TMEM132B: variants seen among roughly 807,000 people sequenced by gnomAD.
TMEM132B encodes transmembrane protein 132B.
Under a neutral mutation model 90.8 loss-of-function variants are expected in TMEM132B, and 18 were observed. That is an observed-to-expected ratio of 0.20 (90% CI 0.14 to 0.29). The LOEUF is 0.29. Ranked by LOEUF, TMEM132B falls within the 10% of genes least tolerant of loss-of-function variation. The probability of loss-of-function intolerance (pLI) is 1.00; values close to 1 mark genes in which losing one functional copy is unlikely to be tolerated. For missense variants in TMEM132B, 1,096 were observed against 1,326.8 expected, an observed-to-expected ratio of 0.83 and a Z score of 2.70; for synonymous variants, 504 against 523.3, an observed-to-expected ratio of 0.96 and a Z score of 0.50.
chr12:125,454,073 G>A lies in TMEM132B; in HGVS notation c.1106+38396G>A, dbSNP rs146721748. Among the ~76,000 whole-genome samples the A allele has an allele frequency of 2.7e-4, 41 of 152,188 alleles. No homozygotes were observed. In the East Asian group the frequency reaches 6.4e-3, roughly 24 times the overall value. ...TGAATGGAGCTTTCAAGTAGGGCCC[G>A]TTTTAACAGAGATTTCTGGGCTCTG... On this transcript the variant is annotated intron_variant, in intron 3 of 8. Coordinates refer to ENST00000682704, the MANE Select transcript of TMEM132B (RefSeq NM_001366854.1).
At chr12:125,434,608 C>A (rs1880645119) in intron 3 of TMEM132B, among the ~76,000 whole-genome samples, 1 of 152,160 alleles carries the variant, frequency 6.6e-6, no homozygotes, top group Non-Finnish European at 1.5e-5. Flanking sequence ...GATTCCAGCC[C>A]CTACAGGAGG....
intron 3 of TMEM132B, among the ~76,000 whole-genome samples, chr12:125,455,186 T>A (rs967064040): frequency 1.3e-5 from 2 of 148,956 alleles, no homozygotes; most frequent in Admixed American, 6.7e-5. Flanking sequence ...GTGGAGGAAA[T>A]GAAAGGTGGA....
chr12:125,189,556 C>T (rs1164642638), intron 1 of TMEM132B, among the ~76,000 whole-genome samples: 1 of 152,108 alleles, frequency 6.6e-6, no homozygotes. Flanking sequence ...TGGCGCTGCC[C>T]TTCAGAGAGG....
intron 1 of TMEM132B, among the ~76,000 whole-genome samples, chr12:125,205,361 G>A (rs368585813): frequency 6.6e-6 from 1 of 152,074 alleles, no homozygotes; most frequent in East Asian, 1.9e-4. Context: ...TTCAATGAGA[G>A]CTCCGTGTGT....
intron 1 of TMEM132B, among the ~76,000 whole-genome samples, chr12:125,189,476 C>T (rs775989170): frequency 1.5e-4 from 23 of 152,144 alleles, no homozygotes; most frequent in Non-Finnish European, 3.2e-4. Context: ...TCTCTTCCTC[C>T]TGCCTGGCAC....
In TMEM132B at chr12:125,575,078, A is replaced by ATATATATATATATATATATT. The variant is rs1311570495; in HGVS notation, c.1294-8768_1294-8767insATATATATATATATTTATAT. 4.8e-4 allele frequency among the ~76,000 whole-genome samples: 52 copies of ATATATATATATATATATATT among 108,976 alleles called. 1 individual carries two copies. Among genetic ancestry groups the ATATATATATATATATATATT allele is most frequent in the African/African-American group, 1.7e-3 (51 of 29,758 alleles). The allele number at this position is 108,976 out of a possible 152,430, so 71.5% of individuals were successfully genotyped here. On this transcript the variant is annotated intron_variant, in intron 4 of 8. Coordinates refer to ENST00000682704, the MANE Select transcript of TMEM132B (RefSeq NM_001366854.1). ...CTGTCATATATATATATATATATAT[A>ATATATATATATATATATATT]TATATTCAGGAGTAGAATTGCTAGG...
rs1004312993 is a variant in TMEM132B, at chr12:125,611,344, T to TA, written c.1437+27358dup. On this transcript the variant is annotated intron_variant, in intron 5 of 8. Coordinates refer to ENST00000682704, the MANE Select transcript of TMEM132B (RefSeq NM_001366854.1). ...AGGTGTATCAATTTTGTTGATATTT[T>TA]AAAAAAAACAATTTTTGGTTTTGCT... is the stretch of plus-strand genomic sequence containing the variant. Among the ~76,000 whole-genome samples, 154 of 151,874 alleles carry TA rather than the reference T, an allele frequency of 1.0e-3. 1 individual carries two copies. The highest frequency in any genetic ancestry group is 3.5e-3 in the African/African-American group (146 of 41,446).
intron 2 of TMEM132B, among the ~76,000 whole-genome samples, chr12:125,371,815 G>A (rs916868151): frequency 2.6e-5 from 4 of 152,114 alleles, no homozygotes; most frequent in East Asian, 1.9e-4. Flanking sequence ...TGATCTTTTC[G>A]TCTTCACTAG....
At chr12:125,204,156 A>G (rs1816646718) in intron 1 of TMEM132B, among the ~76,000 whole-genome samples, 1 of 151,924 alleles carries the variant, frequency 6.6e-6, no homozygotes, top group Admixed American at 6.6e-5. Context: ...TATCTCGTGA[A>G]TCCTTTCAAT....
chr12:125,646,296 A>G (rs1435301571), intron 6 of TMEM132B, among the ~76,000 whole-genome samples: 1 of 152,242 alleles, frequency 6.6e-6, no homozygotes, highest in East Asian at 1.9e-4. Context: ...ATGCAAGAGG[A>G]TAGAGAAAAT....
intron 3 of TMEM132B, among the ~76,000 whole-genome samples, chr12:125,433,994 T>C (rs1331273627): frequency 1.3e-5 from 2 of 152,196 alleles, no homozygotes; most frequent in Non-Finnish European, 2.9e-5. Context: ...TCAAAAACTT[T>C]GTGGTTTCAA....
At chr12:125,495,314 C>T (rs1882531995) in intron 3 of TMEM132B, among the ~76,000 whole-genome samples, 1 of 144,210 alleles carries the variant, frequency 6.9e-6, no homozygotes, top group Non-Finnish European at 1.5e-5. Flanking sequence ...CGTCCCTCCT[C>T]CCCCTCCTCC....
At chr12:125,461,447 G>A (rs935400347) in intron 3 of TMEM132B, among the ~76,000 whole-genome samples, 3 of 152,202 alleles carry the variant, frequency 2.0e-5, no homozygotes, top group Non-Finnish European at 4.4e-5. Flanking sequence ...TACTGGCCCC[G>A]GGAGCCCCTG....
chr12:125,484,341 G>T (rs1882144226), intron 3 of TMEM132B, among the ~76,000 whole-genome samples: 1 of 152,110 alleles, frequency 6.6e-6, no homozygotes, highest in South Asian at 2.1e-4. Context: ...GCTTCCTTTA[G>T]TAGTGGCTCC....
At chr12:125,363,202 T>C (rs1420872034) in intron 2 of TMEM132B, among the ~76,000 whole-genome samples, 1 of 152,054 alleles carries the variant, frequency 6.6e-6, no homozygotes, top group Non-Finnish European at 1.5e-5. Context: ...GTAAATAAAG[T>C]TAAAAAATGA....
At chr12:125,242,440 A>G (rs547096217) in intron 1 of TMEM132B, among the ~76,000 whole-genome samples, 12 of 152,318 alleles carry the variant, frequency 7.9e-5, no homozygotes, top group Admixed American at 7.2e-4. Context: ...CCTCGAGGAA[A>G]CTGAGGCCCA....
intron 1 of TMEM132B, among the ~76,000 whole-genome samples, chr12:125,220,022 A>G (rs1873523903): frequency 1.3e-5 from 2 of 152,248 alleles, no homozygotes; most frequent in Non-Finnish European, 2.9e-5. Context: ...TGACAGCCCT[A>G]TGAAGTAGGC....
At chr12:125,320,484 C>T (rs1436101001) in intron 1 of TMEM132B, among the ~76,000 whole-genome samples, 1 of 152,100 alleles carries the variant, frequency 6.6e-6, no homozygotes, top group Non-Finnish European at 1.5e-5. Flanking sequence ...CTTTTATTAG[C>T]GTGTGGAACC....
chr12:125,628,578 T>A (rs1001980676), intron 5 of TMEM132B, among the ~76,000 whole-genome samples: 1 of 152,200 alleles, frequency 6.6e-6, no homozygotes, highest in Admixed American at 6.5e-5. Context: ...CTGCAAGTAT[T>A]TCTATCCCGT....
Sources: gnomAD v4.1 joint callset for allele counts (sites outside exome capture counted in the v4.1 genomes callset) on GRCh38, gnomAD v4.1.1 for gene constraint, MANE v1.5 for transcripts, NCBI Gene and HGNC (gene_info 2026-07-23, HGNC 2026-07-21) for gene names.